The following SMPD3 variants were observed in gnomAD, a reference collection of about 807,000 sequenced individuals.
SMPD3 encodes the protein nSMase-2.
Under a neutral mutation model 55.7 loss-of-function variants are expected in SMPD3, and 21 were observed. That is an observed-to-expected ratio of 0.38 (90% CI 0.27 to 0.54). SMPD3 has a LOEUF of 0.54. SMPD3 is among the 20% of genes least tolerant of loss of function. SMPD3 has a pLI of 0.80. For synonymous variants in SMPD3, 457 were observed against 404.3 expected, an observed-to-expected ratio of 1.13 and a Z score of -1.56; for missense variants, 842 against 899.6, an observed-to-expected ratio of 0.94 and a Z score of 0.82.
chr16:68,427,753 G>A (rs995641180), intron 1 of SMPD3, among the ~76,000 whole-genome samples: 7 of 70,276 alleles, frequency 1.0e-4, no homozygotes, highest in South Asian at 4.7e-4. Context: ...AAAAATGACT[G>A]GGGGGGGGTG....
chr16:68,396,451 C>T lies in SMPD3; in HGVS notation c.-268-9792G>A, dbSNP rs147237371. Among the ~76,000 whole-genome samples, 38 of 152,338 alleles carry T rather than the reference C, an allele frequency of 2.5e-4. No homozygotes were observed. In the East Asian group the frequency reaches 7.1e-3, roughly 29 times the overall value. ...TGGGACATACCATGCTCTTTCACGCCTCCATGCCTTTGCACATGCTGTACC... is the reference window on the plus strand; with the variant it reads ...TGGGACATACCATGCTCTTTCACGCTTCCATGCCTTTGCACATGCTGTACC... On this transcript the variant is annotated intron_variant, in intron 1 of 8. Coordinates refer to ENST00000219334, the MANE Select transcript of SMPD3 (RefSeq NM_018667.4).
At chr16:68,362,405 G>A (rs2089328279) in intron 7 of SMPD3, among the ~76,000 whole-genome samples, 2 of 152,226 alleles carry the variant, frequency 1.3e-5, no homozygotes, top group Non-Finnish European at 2.9e-5. Flanking sequence ...AGGGGGATGT[G>A]ACATCTGGAA....
At chr16:68,361,576 C>T (rs756352667) in intron 8 of SMPD3, 27 bp downstream of exon 8, 2 of 1,603,338 alleles carry the variant, frequency 1.2e-6, no homozygotes, top group South Asian at 2.2e-5. Flanking sequence ...TTTGCATGGC[C>T]CTGGCTGCTG....
chr16:68,364,389 GGTT>G (rs751724579), intron 5 of SMPD3: 30 of 252,320 alleles, frequency 1.2e-4, no homozygotes, highest in Non-Finnish European at 2.0e-4. Context: ...TCCCTCTCAG[GGTT>G]GTTAAGACAC....
intron 7 of SMPD3, among the ~76,000 whole-genome samples, chr16:68,362,717 C>A (rs914648570): frequency 6.6e-6 from 1 of 152,264 alleles, no homozygotes; most frequent in African/African-American, 2.4e-5. Flanking sequence ...ACACTAATGA[C>A]ATTCAGGACA....
intron 1 of SMPD3, among the ~76,000 whole-genome samples, chr16:68,389,953 G>C (rs1452937208): frequency 6.6e-6 from 1 of 152,202 alleles, no homozygotes; most frequent in East Asian, 1.9e-4. Context: ...GAAACAGAAG[G>C]ATGGCTACCT....
chr16:68,373,440 C>T (rs2089727192), intron 2 of SMPD3, among the ~76,000 whole-genome samples: 1 of 152,230 alleles, frequency 6.6e-6, no homozygotes, highest in Admixed American at 6.5e-5. Context: ...CCCAGACTTT[C>T]CATGACTGGA....
At chr16:68,380,036 G>A (rs2089913415) in intron 2 of SMPD3, among the ~76,000 whole-genome samples, 1 of 152,226 alleles carries the variant, frequency 6.6e-6, no homozygotes, top group Non-Finnish European at 1.5e-5. Context: ...CCCATCCTAG[G>A]GGGACAGCTG....
At chr16:68,405,862 C>T (rs1248071715) in intron 1 of SMPD3, among the ~76,000 whole-genome samples, 1 of 152,152 alleles carries the variant, frequency 6.6e-6, no homozygotes, top group African/African-American at 2.4e-5. Flanking sequence ...CTCAGCTGAG[C>T]CTGATCCCTG....
intron 1 of SMPD3, among the ~76,000 whole-genome samples, chr16:68,396,702 G>A (rs764970019): frequency 6.6e-6 from 1 of 152,184 alleles, no homozygotes; most frequent in Non-Finnish European, 1.5e-5. Flanking sequence ...TCACCAGAAG[G>A]TTCGATTCCC....
At chr16:68,415,276 C>A (rs1567805062) in intron 1 of SMPD3, among the ~76,000 whole-genome samples, 1 of 152,016 alleles carries the variant, frequency 6.6e-6, no homozygotes, top group Non-Finnish European at 1.5e-5. Context: ...TGGAGAAACC[C>A]AAGGAGTGGG....
intron 1 of SMPD3, among the ~76,000 whole-genome samples, chr16:68,411,134 C>T (rs1408513341): frequency 6.6e-6 from 1 of 152,256 alleles, no homozygotes; most frequent in Non-Finnish European, 1.5e-5. Context: ...GGGAGGGCAG[C>T]CTCCAGGCAA....
At chr16:68,376,844 G>C (rs1170553426) in intron 2 of SMPD3, among the ~76,000 whole-genome samples, 1 of 152,216 alleles carries the variant, frequency 6.6e-6, no homozygotes, top group Non-Finnish European at 1.5e-5. Flanking sequence ...TGCTTAGCTT[G>C]GGCTTGGGAC....
At position 68,447,267 on chromosome 16, in the gene SMPD3, G is replaced by A. The variant is rs1447041026; in HGVS notation, c.-269+1086C>T. Among the ~76,000 whole-genome samples the A allele has an allele frequency of 6.6e-6, 1 of 152,214 alleles. No individual in the cohort carries two copies. Among genetic ancestry groups the A allele is most frequent in the Non-Finnish European group, 1.5e-5 (1 of 68,038 alleles). On this transcript the variant is annotated intron_variant, in intron 1 of 8. Transcript: ENST00000219334. This position sits in a 1 kb window ranked among gnomAD's most constrained non-coding sequence, Gnocchi z 5.1. ...TTGGGGTGCGCCCTGCATCGGAGCG[G>A]AGCAGCCCCCAAAGATTCGCGGGCA...
intron 3 of SMPD3, among the ~76,000 whole-genome samples, 182 bp from the exon 4 acceptor site, chr16:68,365,274 A>C (rs976381484): frequency 6.6e-6 from 1 of 152,182 alleles, no homozygotes; most frequent in Non-Finnish European, 1.5e-5. Context: ...GATCTGGGCC[A>C]GAGGCGGGTG....
At chr16:68,430,569 G>A (rs985279543) in intron 1 of SMPD3, among the ~76,000 whole-genome samples, 1 of 152,094 alleles carries the variant, frequency 6.6e-6, no homozygotes, top group African/African-American at 2.4e-5. Context: ...AGTTCAGCAT[G>A]CTGAGTTTGG....
rs746588583 is a variant in SMPD3, at chr16:68,371,310, C to A, written c.872G>T (p.Ser291Ile). Residue 291 changes from serine (S) to isoleucine (I), a missense_variant, in exon 3 of 9, where the codon AGC becomes ATC. Ser to Ile is a moderately radical substitution (Grantham distance 142). Transcript: ENST00000219334. Reference sequence around the variant, plus strand: ...CCGGGAGGCCGAGGGGCTGCCCAGGCTCCCTGAATCCCCGTCCTGCTGATT... The same window carrying A: ...CCGGGAGGCCGAGGGGCTGCCCAGGATCCCTGAATCCCCGTCCTGCTGATT... ...NHNQQDGDSG[S>I]LGSPSASRES... 1 of 1,599,666 alleles carries A rather than the reference C, an allele frequency of 6.3e-7. No individual in the cohort carries two copies. The highest frequency in any genetic ancestry group is 8.5e-7 in the Non-Finnish European group (1 of 1,178,856).
intron 1 of SMPD3, among the ~76,000 whole-genome samples, chr16:68,396,470 C>T (rs2090158245): frequency 6.6e-6 from 1 of 152,214 alleles, no homozygotes; most frequent in African/African-American, 2.4e-5. Context: ...TTTGCACATG[C>T]TGTACCCTGT....
At chr16:68,375,770 C>G (rs913995356) in intron 2 of SMPD3, among the ~76,000 whole-genome samples, 2 of 152,222 alleles carry the variant, frequency 1.3e-5, no homozygotes, top group Admixed American at 6.5e-5. Flanking sequence ...GGCCAGAGGA[C>G]TGTCTTTGGT....
Sources: gnomAD v4.1 joint callset for allele counts (sites outside exome capture counted in the v4.1 genomes callset) on GRCh38, gnomAD v4.1.1 for gene constraint, Gnocchi (gnomAD v3.1) non-coding constraint, MANE v1.5 for transcripts, NCBI Gene and HGNC (gene_info 2026-07-23, HGNC 2026-07-21) for gene names.